Variants in NDUFAF7 observed in about 807,000 individuals in gnomAD.
NDUFAF7 encodes the protein NADH:ubiquinone oxidoreductase complex assembly factor 7.
Under a neutral mutation model 47.2 loss-of-function variants are expected in NDUFAF7, and 48 were observed. That is an observed-to-expected ratio of 1.02 (90% CI 0.81 to 1.29). The LOEUF (loss-of-function observed/expected upper bound fraction) is 1.29. Ranked by LOEUF, NDUFAF7 falls within the 50% of genes most tolerant of loss-of-function variation. The pLI is 0.00. For synonymous variants in NDUFAF7, 217 were observed against 190.0 expected, an observed-to-expected ratio of 1.14 and a Z score of -1.17; for missense variants, 635 against 537.6, an observed-to-expected ratio of 1.18 and a Z score of -1.79.
chr2:37,250,800 A>C (rs1414488099), downstream of NDUFAF7: 1 of 152,654 alleles, frequency 6.6e-6, no homozygotes. Context: ...TGTACTGAAC[A>C]GTCATTATAG....
chr2:37,261,934 A>G, the NDUFAF7 span, among the ~76,000 whole-genome samples: 1 of 152,214 alleles, frequency 6.6e-6, no homozygotes, highest in Non-Finnish European at 1.5e-5. Flanking sequence ...GTATTCATAA[A>G]TTACATAAGA....
At chr2:37,262,140 T>C in the NDUFAF7 span, among the ~76,000 whole-genome samples, 1 of 152,212 alleles carries the variant, frequency 6.6e-6, no homozygotes, top group South Asian at 2.1e-4. Flanking sequence ...AGGAGCATCC[T>C]GTACATTTTT....
chr2:37,238,259 G>A (rs1173810956), intron 4 of NDUFAF7, among the ~76,000 whole-genome samples: 6 of 151,968 alleles, frequency 3.9e-5, no homozygotes, highest in South Asian at 2.1e-4. Flanking sequence ...GTGAAACCCC[G>A]TCTCTAGTAA....
the NDUFAF7 span, among the ~76,000 whole-genome samples, chr2:37,264,115 T>A: frequency 3.9e-5 from 6 of 152,146 alleles, no homozygotes; most frequent in East Asian, 1.2e-3. Context: ...CCCTCCCCAA[T>A]TTTTTTCCTG....
At chr2:37,255,560 G>A (rs1214598634), downstream of NDUFAF7, among the ~76,000 whole-genome samples, 1 of 152,174 alleles carries the variant, frequency 6.6e-6, no homozygotes, top group Non-Finnish European at 1.5e-5. Context: ...CCCAGCAGAG[G>A]TCCACAGGAG....
chr2:37,237,735 T>C (rs185566005), intron 3 of NDUFAF7, 22 bp from the exon 4 acceptor site: 7 of 1,349,348 alleles, frequency 5.2e-6, no homozygotes, highest in Non-Finnish European at 7.3e-6. Flanking sequence ...TTAATATGTG[T>C]TTTTTTTTTC....
At chr2:37,242,067 T>G in intron 5 of NDUFAF7, 1 of 465,446 alleles carries the variant, frequency 2.1e-6, no homozygotes, top group Non-Finnish European at 3.8e-6. Flanking sequence ...TAGCTAGGGT[T>G]GTACCGATGA....
chr2:37,240,575 C>T (rs1046541732), intron 4 of NDUFAF7, among the ~76,000 whole-genome samples: 3 of 151,882 alleles, frequency 2.0e-5, no homozygotes, highest in African/African-American at 4.8e-5. Context: ...AACAAAATCA[C>T]GAATTTAAAT....
At chr2:37,262,170 T>C in the NDUFAF7 span, among the ~76,000 whole-genome samples, 3 of 152,198 alleles carry the variant, frequency 2.0e-5, no homozygotes, top group Admixed American at 1.3e-4. Flanking sequence ...TTTTCCTTAA[T>C]ATGGCTAGCT....
At chr2:37,237,571 G>A (rs1010291245) in intron 3 of NDUFAF7, among the ~76,000 whole-genome samples, 186 bp from the exon 4 acceptor site, 5 of 152,070 alleles carry the variant, frequency 3.3e-5, no homozygotes, top group East Asian at 3.9e-4. Context: ...CCTAAATGGT[G>A]TATGTTATGA....
chr2:37,252,358 A>C (rs1667566846), downstream of NDUFAF7: 1 of 152,226 alleles, frequency 6.6e-6, no homozygotes, highest in Non-Finnish European at 1.5e-5. Context: ...AGATGGTGTC[A>C]GTCAGAACAT....
At chr2:37,234,795 G>C (rs1368541786) in intron 2 of NDUFAF7, among the ~76,000 whole-genome samples, 1 of 152,156 alleles carries the variant, frequency 6.6e-6, no homozygotes, top group Non-Finnish European at 1.5e-5. Context: ...AGAGGAGAAG[G>C]GGAAGGCATT....
downstream of NDUFAF7, among the ~76,000 whole-genome samples, chr2:37,258,185 C>A (rs571097740): frequency 1.8e-3 from 271 of 152,308 alleles, 2 homozygotes; most frequent in South Asian, 0.022. Flanking sequence ...AACAGTGGTA[C>A]AAACAGTGCC....
chr2:37,253,284 C>G, downstream of NDUFAF7: 2 of 1,613,130 alleles, frequency 1.2e-6, no homozygotes, highest in Non-Finnish European at 1.7e-6. Flanking sequence ...TCATCACTTT[C>G]ATGTGTAATG....
At chr2:37,242,347 T>C in intron 5 of NDUFAF7, 1 of 303,102 alleles carries the variant, frequency 3.3e-6, no homozygotes, top group South Asian at 3.6e-5. Context: ...TGAAATCAAA[T>C]TCCCTTCCAG....
At chr2:37,254,304 A>G, downstream of NDUFAF7, 2 of 1,600,306 alleles carry the variant, frequency 1.2e-6, no homozygotes, top group Non-Finnish European at 1.7e-6. Context: ...GGGAAAAGAC[A>G]AAACAAGATA....
chr2:37,251,024 A>G (rs1234716558), downstream of NDUFAF7: 1 of 152,578 alleles, frequency 6.6e-6, no homozygotes, highest in Non-Finnish European at 1.5e-5. Context: ...AAGTTTGACT[A>G]TGTAAGTATA....
At chr2:37,256,575 G>C (rs1667957470), downstream of NDUFAF7, 2 of 1,386,218 alleles carry the variant, frequency 1.4e-6, no homozygotes, top group Non-Finnish European at 1.9e-6. Flanking sequence ...AGTTGCAAGA[G>C]ACAGACTGAT....
At chr2:37,247,670 A>T (rs764257978) in intron 9 of NDUFAF7, 41 bp downstream of exon 9, 2 of 1,606,052 alleles carry the variant, frequency 1.2e-6, no homozygotes, top group Non-Finnish European at 1.7e-6. Context: ...GTACTTTCAT[A>T]GTATTTCAAA....
Sources: allele counts gnomAD v4.1 joint callset (sites outside exome capture counted in the v4.1 genomes callset), GRCh38; gene constraint gnomAD v4.1.1; transcripts MANE v1.5; gene names NCBI Gene and HGNC (gene_info 2026-07-23, HGNC 2026-07-21).